Variants in GLP2R observed in about 807,000 individuals in gnomAD.
The protein encoded by GLP2R is glucagon-like peptide 2 receptor.
In GLP2R, 59 loss-of-function variants were observed where a neutral mutation model predicts 68.2. The ratio of observed to expected loss-of-function variants is 0.87; its 90% CI spans 0.70 to 1.07. The LOEUF is 1.07. Ranked by LOEUF, GLP2R falls within the 50% of genes least tolerant of loss-of-function variation. The pLI, the probability that GLP2R is intolerant of heterozygous loss-of-function variation, is 0.00. For synonymous variants in GLP2R, 270 were observed against 265.4 expected (o/e 1.02, Z -0.17); for missense variants, 548 against 677.4 (o/e 0.81, Z 2.12).
At chr17:9,862,161 A>G in intron 9 of GLP2R, 71 bp downstream of exon 9, 1 of 1,090,942 alleles carries the variant, frequency 9.2e-7, no homozygotes, top group Non-Finnish European at 1.4e-6. Flanking sequence ...GCCCCACCCG[A>G]CTTCTGTCCC....
chr17:9,877,660 C>G (rs929665435), intron 10 of GLP2R, among the ~76,000 whole-genome samples: 1 of 151,952 alleles, frequency 6.6e-6, no homozygotes, highest in Non-Finnish European at 1.5e-5. Context: ...GAGGCCGAGG[C>G]GGGCGGATCA....
At chr17:9,874,732 A>G (rs548935600) in intron 10 of GLP2R, among the ~76,000 whole-genome samples, 1 of 152,192 alleles carries the variant, frequency 6.6e-6, no homozygotes, top group Non-Finnish European at 1.5e-5. Context: ...GGGGTAGAGC[A>G]TTCCTTTCTT....
intron 2 of GLP2R, among the ~76,000 whole-genome samples, chr17:9,835,649 T>C (rs944346821): frequency 1.3e-5 from 2 of 152,102 alleles, no homozygotes; most frequent in Admixed American, 6.6e-5. Context: ...TGGGATCTAA[T>C]TGGTGAAGGT....
At chr17:9,835,664 T>C (rs2066722070) in intron 2 of GLP2R, among the ~76,000 whole-genome samples, 1 of 152,128 alleles carries the variant, frequency 6.6e-6, no homozygotes, top group Non-Finnish European at 1.5e-5. Context: ...GAAGGTTTGA[T>C]GATTATTTAG....
chr17:9,879,626 T>A (rs145301406), intron 10 of GLP2R, among the ~76,000 whole-genome samples: 2 of 152,356 alleles, frequency 1.3e-5, no homozygotes, highest in African/African-American at 4.8e-5. Context: ...CAGCCACGTT[T>A]GGGAACCACC....
chr17:9,863,953 C>T (rs2067009705), intron 9 of GLP2R, among the ~76,000 whole-genome samples: 2 of 152,172 alleles, frequency 1.3e-5, no homozygotes, highest in African/African-American at 4.8e-5. Flanking sequence ...TTCTTGCTAA[C>T]CAGGTAGAAC....
intron 4 of GLP2R, among the ~76,000 whole-genome samples, chr17:9,851,732 A>G (rs1167522762): frequency 1.3e-5 from 2 of 152,228 alleles, no homozygotes; most frequent in Non-Finnish European, 2.9e-5. Flanking sequence ...TAATCTACAA[A>G]AAGGAATGAA....
intron 10 of GLP2R, among the ~76,000 whole-genome samples, chr17:9,875,834 T>G (rs1597400285): frequency 6.6e-6 from 1 of 152,348 alleles, no homozygotes; most frequent in African/African-American, 2.4e-5. Flanking sequence ...GGGATGCACC[T>G]GGGCAGAGCT....
chr17:9,888,126 C>A (rs1291666555), intron 12 of GLP2R, among the ~76,000 whole-genome samples, 153 bp downstream of exon 12: 1 of 152,154 alleles, frequency 6.6e-6, no homozygotes, highest in South Asian at 2.1e-4. Flanking sequence ...GCTTCCGGTA[C>A]AGAGAGCAGG....
intron 11 of GLP2R, among the ~76,000 whole-genome samples, chr17:9,882,038 T>TAA (rs60129746): frequency 1.8e-5 from 2 of 113,658 alleles, no homozygotes; most frequent in African/African-American, 3.2e-5. Context: ...ACACATTAAC[T>TAA]AAAAAAAAAA....
intron 11 of GLP2R, among the ~76,000 whole-genome samples, chr17:9,882,038 T>TAAAAAAA (rs60129746): frequency 3.5e-5 from 4 of 113,656 alleles, no homozygotes; most frequent in African/African-American, 6.4e-5. Context: ...ACACATTAAC[T>TAAAAAAA]AAAAAAAAAA....
chr17:9,854,710 A>AC (rs1359603483), intron 5 of GLP2R, 109 bp downstream of exon 5: 2 of 738,984 alleles, frequency 2.7e-6, no homozygotes, highest in Non-Finnish European at 4.9e-6. Flanking sequence ...CAGGGGTAGA[A>AC]CGAAACATAG....
chr17:9,836,371 GCATATTTTGTAACGGGA>G lies in GLP2R; in HGVS notation c.282_298del (p.Phe95Ter), dbSNP rs2066731387. The stretch of plus-strand genomic sequence containing the variant: ...TATCAGACCCTTCTTCTCTCTGTAG[GCATATTTTGTAACGGGA>G]CATTTGATCAGTACGTGTGTTGGCC... On this transcript the variant is annotated frameshift_variant and splice_region_variant, in exon 3 of 13. Transcript: ENST00000262441. LOFTEE classifies it high-confidence loss of function. The G allele has an allele frequency of 6.3e-7, 1 of 1,586,568 alleles. No individual in the cohort carries two copies.
chr17:9,832,244 C>T lies in GLP2R; in HGVS notation c.190-1563C>T, dbSNP rs1597375070. Among the ~76,000 whole-genome samples the T allele has an allele frequency of 2.0e-5, 3 of 151,874 alleles. No homozygotes were observed. In the South Asian group the frequency reaches 6.2e-4, roughly 32 times the overall value. ...TTTGAGCCCAGGAATTTGAGACCAG[C>T]CTGGGAAATGTAGCGAAATCCTGTC... On this transcript the variant is annotated intron_variant, in intron 1 of 12. Transcript: ENST00000262441.
chr17:9,853,731 T>G (rs2066912151), intron 4 of GLP2R, among the ~76,000 whole-genome samples: 1 of 152,196 alleles, frequency 6.6e-6, no homozygotes, highest in Admixed American at 6.5e-5. Context: ...GTTAAAATTC[T>G]CTCACAGAGA....
chr17:9,834,858 A>C (rs1350225246), intron 2 of GLP2R: 1 of 152,264 alleles, frequency 6.6e-6, no homozygotes, highest in Admixed American at 6.5e-5. Context: ...TTCTGAGGTC[A>C]AGGTAAGGCA....
At chr17:9,847,332 C>T (rs751740350) in intron 4 of GLP2R, among the ~76,000 whole-genome samples, 4 of 152,044 alleles carry the variant, frequency 2.6e-5, no homozygotes, top group South Asian at 2.1e-4. Context: ...TGCAGTGGCA[C>T]GATCTCGGCT....
At chr17:9,844,366 G>A in intron 4 of GLP2R, among the ~76,000 whole-genome samples, 1 of 152,144 alleles carries the variant, frequency 6.6e-6, no homozygotes. Flanking sequence ...GGAGATCGGA[G>A]ACTGGGGCCA....
At position 9,842,546 on chromosome 17, in the gene GLP2R, C is replaced by T. The variant is rs751402894; in HGVS notation, c.434C>T (p.Thr145Met). 18 of 1,613,950 alleles carry T rather than the reference C, an allele frequency of 1.1e-5. No individual in the cohort carries two copies. Among genetic ancestry groups the T allele is most frequent in the South Asian group, 3.3e-5 (3 of 91,084 alleles). Reference protein sequence around the residue: ...RHCLAQGTWQTIENATDIWQD... With the variant: ...RHCLAQGTWQMIENATDIWQD... ...TGCTTGGCTCAGGGGACTTGGCAGA[C>T]GATAGAGAACGCCACGGATATTTGG... Residue 145 changes from threonine to methionine, a missense_variant, in exon 4 of 13, where the codon ACG becomes ATG. Thr to Met is a moderately conservative substitution (Grantham distance 81, BLOSUM62 -1). Transcript: ENST00000262441.
Sources: gnomAD v4.1 joint callset for allele counts (sites outside exome capture counted in the v4.1 genomes callset) on GRCh38, gnomAD v4.1.1 for gene constraint, MANE v1.5 for transcripts, NCBI Gene and HGNC (gene_info 2026-07-23, HGNC 2026-07-21) for gene names.